Variants in RFX3 observed in about 807,000 individuals in gnomAD.
RFX3 encodes the protein regulatory factor X3, also known as transcription factor RFX3.
A neutral mutation model predicts 98.6 loss-of-function variants in RFX3; 14 were observed. That is an observed-to-expected ratio of 0.14 (90% CI 0.09 to 0.22). RFX3 has a LOEUF of 0.22. Ranked by LOEUF, RFX3 falls within the 10% of genes least tolerant of loss-of-function variation. The pLI is 1.00. For synonymous variants in RFX3, 383 were observed against 328.4 expected (o/e 1.17, Z -1.80); for missense variants, 639 against 926.9 (o/e 0.69, Z 4.03).
At chr9:3,416,434 A>T (rs1422505604) in intron 1 of RFX3, among the ~76,000 whole-genome samples, 4 of 152,180 alleles carry the variant, frequency 2.6e-5, no homozygotes, top group Non-Finnish European at 5.9e-5. Flanking sequence ...TACTAAAGCC[A>T]CTTTAAACTG....
rs1048611201 is a variant in RFX3 at position 3,374,101 on chromosome 9, C to T, written c.117+21371G>A. On this transcript the variant is annotated intron_variant, in intron 2 of 16. Coordinates refer to ENST00000617270, the MANE Select transcript of RFX3 (RefSeq NM_001282116.2). Reference sequence around the variant, plus strand: ...TCACACACACACGCGCGCACACACACACACACACACACACAAACCCCACAA... The same window carrying T: ...TCACACACACACGCGCGCACACACATACACACACACACACAAACCCCACAA... Among the ~76,000 whole-genome samples, 8 of 151,816 alleles carry T rather than the reference C, an allele frequency of 5.3e-5. No individual in the cohort carries two copies. In the South Asian group the frequency reaches 8.3e-4, roughly 16 times the overall value.
chr9:3,518,559 A>T (rs992463482), intron 1 of RFX3, among the ~76,000 whole-genome samples: 2 of 152,240 alleles, frequency 1.3e-5, no homozygotes, highest in African/African-American at 4.8e-5. Context: ...TATATAAGTC[A>T]AATTTCCAGT....
At chr9:3,261,571 G>A (rs1822897028) in intron 13 of RFX3, among the ~76,000 whole-genome samples, 1 of 152,080 alleles carries the variant, frequency 6.6e-6, no homozygotes, top group Non-Finnish European at 1.5e-5. Context: ...GGTTGTTTCT[G>A]CTTTTATGTG....
At chr9:3,298,990 T>C (rs980376910) in intron 5 of RFX3, among the ~76,000 whole-genome samples, 2 of 151,668 alleles carry the variant, frequency 1.3e-5, no homozygotes, top group African/African-American at 4.8e-5. Context: ...CATAATAAAA[T>C]TGATCCTTTG....
At chr9:3,354,060 A>C (rs1190314379) in intron 2 of RFX3, among the ~76,000 whole-genome samples, 1 of 152,092 alleles carries the variant, frequency 6.6e-6, no homozygotes, top group Non-Finnish European at 1.5e-5. Flanking sequence ...AAAGCAGACA[A>C]TACAATGAAA....
chr9:3,269,468 CT>C (rs1028185787), intron 11 of RFX3, among the ~76,000 whole-genome samples: 15 of 152,174 alleles, frequency 9.9e-5, no homozygotes, highest in Admixed American at 8.5e-4. Context: ...CTTGCTTTTA[CT>C]TTATTGATGT....
At chr9:3,392,704 A>T (rs1840439625) in intron 2 of RFX3, among the ~76,000 whole-genome samples, 1 of 152,010 alleles carries the variant, frequency 6.6e-6, no homozygotes, top group Non-Finnish European at 1.5e-5. Context: ...CTGGAATTTC[A>T]AATATTCTAC....
chr9:3,266,185 A>G (rs1469662619), intron 12 of RFX3, 23 bp downstream of exon 12: 2 of 1,415,922 alleles, frequency 1.4e-6, no homozygotes, highest in East Asian at 2.3e-5. Context: ...ACACAAAAGA[A>G]AAAGCAAGGA....
chr9:3,512,745 C>T (rs1458948869), intron 1 of RFX3, among the ~76,000 whole-genome samples: 2 of 151,930 alleles, frequency 1.3e-5, no homozygotes, highest in African/African-American at 2.4e-5. Context: ...TTGGGTCCTC[C>T]CATTAGGTAA....
intron 4 of RFX3, among the ~76,000 whole-genome samples, chr9:3,313,990 G>A (rs1830271223): frequency 6.6e-6 from 1 of 152,166 alleles, no homozygotes; most frequent in Admixed American, 6.5e-5. Context: ...GAACGAGGCA[G>A]GCCAACATTC....
intron 1 of RFX3, among the ~76,000 whole-genome samples, chr9:3,467,095 T>TATAA (rs1848319162): frequency 3.6e-5 from 5 of 138,990 alleles, no homozygotes; most frequent in Admixed American, 1.4e-4. Context: ...CATACATATA[T>TATAA]GTAAGTATAT....
intron 1 of RFX3, among the ~76,000 whole-genome samples, chr9:3,440,279 C>T (rs1188122416): frequency 1.3e-5 from 2 of 151,832 alleles, no homozygotes; most frequent in African/African-American, 4.8e-5. Flanking sequence ...ATAAAACAAA[C>T]AAAAAGTATC....
intron 2 of RFX3, among the ~76,000 whole-genome samples, chr9:3,355,925 T>C (rs533741450): frequency 6.6e-6 from 1 of 152,018 alleles, no homozygotes; most frequent in East Asian, 1.9e-4. Context: ...AATATACTTA[T>C]TAATATAATC....
At chr9:3,270,796 C>A (rs971206118) in intron 10 of RFX3, 2 of 701,436 alleles carry the variant, frequency 2.9e-6, no homozygotes, top group Non-Finnish European at 4.7e-6. Context: ...CTACCACAGT[C>A]CCCCAAATCA....
chr9:3,245,074 T>C (rs1820478826), intron 15 of RFX3, among the ~76,000 whole-genome samples: 1 of 152,238 alleles, frequency 6.6e-6, no homozygotes, highest in African/African-American at 2.4e-5. Context: ...AAGTCCTTTA[T>C]TGTTTCCAGG....
At chr9:3,232,803 AT>A (rs1453488846) in intron 15 of RFX3, among the ~76,000 whole-genome samples, 1 of 130,924 alleles carries the variant, frequency 7.6e-6, no homozygotes, top group Non-Finnish European at 1.7e-5. Flanking sequence ...AGAGAGAGAA[AT>A]GGGATGGGAT....
At chr9:3,308,692 G>C (rs1829614471) in intron 4 of RFX3, among the ~76,000 whole-genome samples, 2 of 152,180 alleles carry the variant, frequency 1.3e-5, no homozygotes, top group Admixed American at 1.3e-4. Flanking sequence ...CTTGCTGAGA[G>C]AGTGGTTTAC....
chr9:3,292,863 C>T (rs1015325377), intron 6 of RFX3, among the ~76,000 whole-genome samples: 24 of 152,244 alleles, frequency 1.6e-4, no homozygotes, highest in African/African-American at 5.5e-4. Flanking sequence ...CAAAGCTTTG[C>T]TCAGTTCATG....
chr9:3,333,872 C>A (rs569043014), intron 3 of RFX3, among the ~76,000 whole-genome samples: 1 of 151,992 alleles, frequency 6.6e-6, no homozygotes, highest in African/African-American at 2.4e-5. Context: ...ATTTACTGAC[C>A]ATTTACTATG....
Sources: gnomAD v4.1 joint callset for allele counts (sites outside exome capture counted in the v4.1 genomes callset) on GRCh38, gnomAD v4.1.1 for gene constraint, MANE v1.5 for transcripts, NCBI Gene and HGNC (gene_info 2026-07-23, HGNC 2026-07-21) for gene names.